Variants in PIK3C2G observed in about 807,000 individuals in gnomAD.
The protein encoded by PIK3C2G is phosphatidylinositol 3-kinase C2 domain-containing subunit gamma.
PIK3C2G carries 168 observed loss-of-function variants against 181.1 expected under a neutral mutation model. The observed-to-expected ratio is 0.93, with a 90% CI of 0.82 to 1.05. The LOEUF (loss-of-function observed/expected upper bound fraction) is 1.05, where lower values mean the gene tolerates loss of function less well. Ranked by LOEUF, PIK3C2G falls within the 50% of genes least tolerant of loss-of-function variation. The probability of loss-of-function intolerance (pLI) is 0.00; values close to 1 mark genes in which losing one functional copy is unlikely to be tolerated. For missense variants in PIK3C2G, 1,869 were observed against 1,732.8 expected (o/e 1.08, Z -1.40); for synonymous variants, 573 against 592.2 (o/e 0.97, Z 0.47).
chr12:18,348,353 T>G (rs1222292826), intron 11 of PIK3C2G, among the ~76,000 whole-genome samples: 1 of 152,030 alleles, frequency 6.6e-6, no homozygotes, highest in African/African-American at 2.4e-5. Flanking sequence ...TGTGTGCGTA[T>G]GAATGATCTA....
chr12:18,423,673 T>C (rs1395977119), intron 17 of PIK3C2G, among the ~76,000 whole-genome samples: 1 of 152,192 alleles, frequency 6.6e-6, no homozygotes, highest in African/African-American at 2.4e-5. Context: ...TATTCTCCCC[T>C]GGTACATGGT....
rs563074303 is a variant in PIK3C2G, at chr12:18,286,092, C to T, written c.679-755C>T. ...CTATTAGAGAAAAAAGGGATCATTT[C>T]GTAATGCTAAAATGGTCAATCAGGA... On this transcript the variant is annotated intron_variant, in intron 2 of 32. Transcript: ENST00000538779. 1.2e-4 allele frequency among the ~76,000 whole-genome samples: 18 copies of T among 151,924 alleles called. No individual in the cohort carries two copies. In the South Asian group the frequency reaches 1.7e-3, roughly 14 times the overall value.
At chr12:18,484,502 A>C (rs1283664459) in intron 18 of PIK3C2G, among the ~76,000 whole-genome samples, 1 of 152,188 alleles carries the variant, frequency 6.6e-6, no homozygotes, top group African/African-American at 2.4e-5. Context: ...GTTGTTACGA[A>C]GTAATTTATT....
chr12:18,465,834 T>C (rs1456446810), intron 18 of PIK3C2G, among the ~76,000 whole-genome samples: 1 of 151,762 alleles, frequency 6.6e-6, no homozygotes, highest in Non-Finnish European at 1.5e-5. Context: ...TCTGAAAATT[T>C]CTCAACTTTT....
intron 18 of PIK3C2G, among the ~76,000 whole-genome samples, chr12:18,459,857 G>T (rs986842951): frequency 1.3e-5 from 2 of 152,122 alleles, no homozygotes; most frequent in Non-Finnish European, 1.5e-5. Context: ...TGCCTCACGG[G>T]GTTCAAGTGA....
intron 1 of PIK3C2G, among the ~76,000 whole-genome samples, chr12:18,280,300 A>C (rs79447692): frequency 0.038 from 5,729 of 152,118 alleles, 164 homozygotes; most frequent in Middle Eastern, 0.058. Context: ...GAAAAGGGAA[A>C]TAGTACATAT....
the PIK3C2G span, among the ~76,000 whole-genome samples, chr12:18,702,093 C>A: frequency 1.3e-5 from 2 of 152,088 alleles, no homozygotes; most frequent in South Asian, 2.1e-4. Context: ...TAAATACTTA[C>A]CATGATATTG....
At chr12:18,672,996 C>T in the PIK3C2G span, among the ~76,000 whole-genome samples, 4 of 152,084 alleles carry the variant, frequency 2.6e-5, no homozygotes, top group East Asian at 5.8e-4. Context: ...CAGATTGGTA[C>T]ATGACACAAA....
chr12:18,539,348 T>C (rs1297622009), intron 25 of PIK3C2G, among the ~76,000 whole-genome samples: 1 of 151,882 alleles, frequency 6.6e-6, no homozygotes, highest in African/African-American at 2.4e-5. Context: ...TGTGTATTAA[T>C]TGATTTAAAA....
chr12:18,698,448 G>A, the PIK3C2G span, among the ~76,000 whole-genome samples: 5 of 152,064 alleles, frequency 3.3e-5, no homozygotes, highest in Admixed American at 2.0e-4. Flanking sequence ...CTCTCTAATA[G>A]ATAGTTAGAG....
chr12:18,307,621 C>T (rs1359673462), intron 5 of PIK3C2G, among the ~76,000 whole-genome samples: 4 of 151,814 alleles, frequency 2.6e-5, no homozygotes, highest in Admixed American at 6.6e-5. Context: ...CCTTATGGTC[C>T]GTGCCTTTCA....
At chr12:18,721,579 T>C in the PIK3C2G span, among the ~76,000 whole-genome samples, 2 of 152,084 alleles carry the variant, frequency 1.3e-5, no homozygotes, top group Admixed American at 1.3e-4. Context: ...AAAGTAATTG[T>C]TTTGGTAATA....
intron 18 of PIK3C2G, among the ~76,000 whole-genome samples, chr12:18,453,400 G>A (rs75983020): frequency 0.14 from 21,777 of 151,824 alleles, 1,681 homozygotes; most frequent in African/African-American, 0.2. Context: ...CTTTTCATTT[G>A]CTTGGTAAAT....
chr12:18,667,727 A>G, the PIK3C2G span, among the ~76,000 whole-genome samples: 1 of 152,170 alleles, frequency 6.6e-6, no homozygotes, highest in African/African-American at 2.4e-5. Flanking sequence ...GAAATAAGCA[A>G]TAGTATTTCT....
chr12:18,321,815 T>C (rs772248442), intron 7 of PIK3C2G, among the ~76,000 whole-genome samples: 1 of 152,106 alleles, frequency 6.6e-6, no homozygotes, highest in African/African-American at 2.4e-5. Context: ...TAGAAGCCAT[T>C]ATCCTCAACA....
chr12:18,575,619 G>A (rs1946196714), intron 29 of PIK3C2G, among the ~76,000 whole-genome samples: 1 of 152,124 alleles, frequency 6.6e-6, no homozygotes, highest in South Asian at 2.1e-4. Flanking sequence ...CTAAGGAGGT[G>A]TACTCAACTA....
At chr12:18,579,041 ATATT>A (rs1389333377) in intron 29 of PIK3C2G, among the ~76,000 whole-genome samples, 1 of 152,234 alleles carries the variant, frequency 6.6e-6, no homozygotes, top group East Asian at 1.9e-4. Context: ...GTTACGTGAT[ATATT>A]TATTTATAAC....
At chr12:18,591,454 G>C (rs1213137197) in intron 29 of PIK3C2G, among the ~76,000 whole-genome samples, 1 of 151,894 alleles carries the variant, frequency 6.6e-6, no homozygotes, top group Admixed American at 6.6e-5. Context: ...ATTAACAAGA[G>C]TGAAGAAAAG....
chr12:18,459,899 A>G (rs1241886748), intron 18 of PIK3C2G, among the ~76,000 whole-genome samples: 1 of 152,120 alleles, frequency 6.6e-6, no homozygotes, highest in Admixed American at 6.6e-5. Flanking sequence ...AGTAGCTGAG[A>G]CTACAGGCAC....
Sources: allele counts gnomAD v4.1 joint callset (sites outside exome capture counted in the v4.1 genomes callset), GRCh38; gene constraint gnomAD v4.1.1; transcripts MANE v1.5; gene names NCBI Gene and HGNC (gene_info 2026-07-23, HGNC 2026-07-21).